The following MED12L variants were observed in gnomAD, a reference collection of about 807,000 sequenced individuals.
MED12L encodes mediator complex subunit 12L.
In MED12L, 60 loss-of-function variants were observed where a neutral mutation model predicts 281.3. That is an observed-to-expected ratio of 0.21 (90% CI 0.17 to 0.26). The LOEUF is 0.26. Ranked by LOEUF, MED12L falls within the 10% of genes least tolerant of loss-of-function variation. The pLI is 1.00. For missense variants in MED12L, 2,146 were observed against 2,680.9 expected (o/e 0.80, Z 4.41); for synonymous variants, 974 against 987.2 (o/e 0.99, Z 0.25).
At chr3:151,411,227 A>G in intron 40 of MED12L, 51 bp from the exon 41 acceptor site, 3 of 1,509,868 alleles carry the variant, frequency 2.0e-6, no homozygotes, top group East Asian at 2.3e-5. Context: ...GTGATGGGAA[A>G]GCTAGGTGAT....
At chr3:151,125,788 G>A (rs1461119306) in intron 4 of MED12L, among the ~76,000 whole-genome samples, 3 of 152,190 alleles carry the variant, frequency 2.0e-5, no homozygotes, top group Non-Finnish European at 4.4e-5. Flanking sequence ...TGCCTTGTAA[G>A]CCTGATTTTC....
At chr3:151,338,968 C>A in intron 16 of MED12L, 1 of 921,092 alleles carries the variant, frequency 1.1e-6, no homozygotes, top group Non-Finnish European at 1.7e-6. Context: ...GTTGAGGTTT[C>A]TCATCTTCAT....
intron 4 of MED12L, 83 bp downstream of exon 4, chr3:151,123,057 C>T: frequency 8.2e-7 from 1 of 1,226,378 alleles, no homozygotes; most frequent in Non-Finnish European, 1.1e-6. Context: ...ATTTGTTTTT[C>T]CCAATTCTTT....
At chr3:151,246,749 C>A (rs1235647485) in intron 16 of MED12L, among the ~76,000 whole-genome samples, 1 of 152,138 alleles carries the variant, frequency 6.6e-6, no homozygotes, top group African/African-American at 2.4e-5. Context: ...GCAATGGCCA[C>A]AAAAGCCAAA....
intron 16 of MED12L, among the ~76,000 whole-genome samples, chr3:151,226,009 A>T (rs578058840): frequency 1.3e-5 from 2 of 152,294 alleles, no homozygotes; most frequent in African/African-American, 4.8e-5. Context: ...GCTCACTATA[A>T]AGCCGTCAGA....
chr3:151,339,306 C>T (rs1751473875), intron 16 of MED12L, among the ~76,000 whole-genome samples: 1 of 151,600 alleles, frequency 6.6e-6, no homozygotes, highest in Non-Finnish European at 1.5e-5. Flanking sequence ...TACTGTAGTA[C>T]CGTCAAAACA....
chr3:151,385,511 A>G (rs1444703631), intron 36 of MED12L, among the ~76,000 whole-genome samples: 2 of 152,164 alleles, frequency 1.3e-5, no homozygotes, highest in Non-Finnish European at 2.9e-5. Context: ...ATTATACTTC[A>G]GATTTAGAAG....
rs63714361 is a variant in MED12L at position 151,258,851 on chromosome 3, CAAA to C, written c.2250+65205_2250+65207del. Among the ~76,000 whole-genome samples, 41 of 89,906 alleles carry C rather than the reference CAAA, an allele frequency of 4.6e-4. 1 individual carries two copies. Among genetic ancestry groups the C allele is most frequent in the Middle Eastern group, 6.8e-3 (1 of 146 alleles). The allele number at this position is 89,906 out of a possible 152,430, so 59.0% of individuals were successfully genotyped here. ...TGGGCGACAGAGCAAGATTCTGTCTCAAAAAAAAAAAAAAAAAAAAAAGTCCTT... is the reference window on the plus strand; with the variant it reads ...TGGGCGACAGAGCAAGATTCTGTCTCAAAAAAAAAAAAAAAAAAAGTCCTT... On this transcript the variant is annotated intron_variant, in intron 16 of 44. Transcript: ENST00000687756.
At chr3:151,284,171 A>G (rs1743161919) in intron 16 of MED12L, among the ~76,000 whole-genome samples, 1 of 152,214 alleles carries the variant, frequency 6.6e-6, no homozygotes, top group African/African-American at 2.4e-5. Flanking sequence ...TGGGAGGAGC[A>G]TGGCCTCAGC....
At chr3:151,089,967 T>G (rs969149850) in intron 2 of MED12L, among the ~76,000 whole-genome samples, 2 of 152,186 alleles carry the variant, frequency 1.3e-5, no homozygotes, top group Non-Finnish European at 2.9e-5. Context: ...CACCAGATGC[T>G]CTCCAGTTTC....
intron 35 of MED12L, 57 bp downstream of exon 35, chr3:151,384,275 A>G: frequency 6.8e-7 from 1 of 1,478,764 alleles, no homozygotes; most frequent in Non-Finnish European, 9.1e-7. Context: ...TTTATTATCT[A>G]GTGCATTTTA....
chr3:151,300,095 C>A (rs1228740404), intron 16 of MED12L: 2 of 1,606,970 alleles, frequency 1.2e-6, no homozygotes, highest in Non-Finnish European at 1.7e-6. Flanking sequence ...TCAAGTTGAA[C>A]CCCATTCTTC....
intron 39 of MED12L, among the ~76,000 whole-genome samples, chr3:151,402,007 G>A (rs1308491869): frequency 6.6e-6 from 1 of 152,130 alleles, no homozygotes; most frequent in Admixed American, 6.5e-5. Context: ...TTGGATGGAG[G>A]GGTGAGGAAA....
intron 42 of MED12L, 137 bp from the exon 43 acceptor site, chr3:151,416,175 G>A: frequency 1.3e-6 from 2 of 1,493,234 alleles, no homozygotes; most frequent in East Asian, 4.5e-5. Flanking sequence ...GTTCAGCAAG[G>A]TAGAGATGCA....
At chr3:151,275,718 A>G (rs1047610828) in intron 16 of MED12L, among the ~76,000 whole-genome samples, 4 of 152,198 alleles carry the variant, frequency 2.6e-5, no homozygotes, top group African/African-American at 7.2e-5. Flanking sequence ...GAACCAGAAA[A>G]TTTAGTAAAG....
At chr3:151,110,903 G>A (rs570315335) in intron 2 of MED12L, among the ~76,000 whole-genome samples, 1 of 152,290 alleles carries the variant, frequency 6.6e-6, no homozygotes, top group East Asian at 1.9e-4. Flanking sequence ...CTTCCTGGTG[G>A]TGAGACCTGT....
intron 16 of MED12L, among the ~76,000 whole-genome samples, chr3:151,281,232 CAAAAAAAAAAAAAA>C (rs35035320): frequency 6.0e-5 from 3 of 49,964 alleles, no homozygotes; most frequent in African/African-American, 2.3e-4. Flanking sequence ...ACCAAAAATA[CAAAAAAAAAAAAAA>C]AAAAAAAAAA....
intron 5 of MED12L, among the ~76,000 whole-genome samples, chr3:151,155,142 G>A (rs1278349907): frequency 6.6e-6 from 1 of 152,188 alleles, no homozygotes; most frequent in Non-Finnish European, 1.5e-5. Context: ...TGTCAAAATA[G>A]AAGGTGGGAG....
chr3:151,393,088 T>C (rs1450641545), intron 38 of MED12L, among the ~76,000 whole-genome samples: 2 of 152,194 alleles, frequency 1.3e-5, no homozygotes, highest in East Asian at 3.8e-4. Context: ...ACTTTGTAAA[T>C]AGAAGAAGAT....
Sources: gnomAD v4.1 joint callset for allele counts (sites outside exome capture counted in the v4.1 genomes callset) on GRCh38, gnomAD v4.1.1 for gene constraint, MANE v1.5 for transcripts, NCBI Gene and HGNC (gene_info 2026-07-23, HGNC 2026-07-21) for gene names.